Variants in LPGAT1 observed in about 807,000 individuals in gnomAD.
The protein encoded by LPGAT1 is acyl-CoA:lysophosphatidylglycerol acyltransferase 1.
Under a neutral mutation model 47.5 loss-of-function variants are expected in LPGAT1, and 11 were observed. The ratio of observed to expected loss-of-function variants is 0.23; its 90% confidence interval spans 0.15 to 0.38. The LOEUF (loss-of-function observed/expected upper bound fraction) is 0.38. Ranked by LOEUF, LPGAT1 falls within the 10% of genes least tolerant of loss-of-function variation. LPGAT1 has a pLI of 1.00. For synonymous variants in LPGAT1, 138 were observed against 144.2 expected (o/e 0.96, Z 0.31); for missense variants, 293 against 439.0 (o/e 0.67, Z 2.97).
chr1:211,808,338 G>A (rs1307386953), intron 2 of LPGAT1, among the ~76,000 whole-genome samples: 38 of 119,258 alleles, frequency 3.2e-4, no homozygotes, highest in African/African-American at 3.5e-4. Flanking sequence ...CAACAAGGGC[G>A]AAACTCCGTC....
intron 2 of LPGAT1, among the ~76,000 whole-genome samples, chr1:211,811,310 G>A (rs1044255738): frequency 6.6e-6 from 1 of 152,198 alleles, no homozygotes; most frequent in African/African-American, 2.4e-5. Flanking sequence ...GCTTGGGCCA[G>A]GTTATTAAAG....
intron 6 of LPGAT1, among the ~76,000 whole-genome samples, chr1:211,763,364 C>G (rs1359203764): frequency 6.6e-6 from 1 of 152,162 alleles, no homozygotes; most frequent in Admixed American, 6.5e-5. Flanking sequence ...CTAAAAGCCA[C>G]TTTGGCTCTC....
intron 2 of LPGAT1, among the ~76,000 whole-genome samples, chr1:211,802,592 G>A (rs1298334960): frequency 1.3e-5 from 2 of 151,994 alleles, no homozygotes; most frequent in Non-Finnish European, 2.9e-5. Context: ...GAGAGATAAA[G>A]TTGAGATAAT....
At position 211,830,067 on chromosome 1, in the gene LPGAT1, T is replaced by C. The variant is rs2102618532; in HGVS notation, c.-28+506A>G. On this transcript the variant is annotated intron_variant, in intron 1 of 7. Transcript: ENST00000366997. The surrounding 1 kb of genome is among the most constrained non-coding windows in gnomAD (Gnocchi z 5.9). ...GACCAGAGGGCAAGGAAGCAGGGGA[T>C]GATGAAAGGGGCAGAGAAGAGGCGA... is the stretch of plus-strand genomic sequence containing the variant. 1.0e-6 allele frequency: 1 copy of C among 984,548 alleles called. No homozygotes were observed. Among genetic ancestry groups the C allele is most frequent in the Non-Finnish European group, 1.2e-6 (1 of 830,042 alleles). The allele number at this position is 984,548 out of a possible 1,614,324, so 61.0% of individuals were successfully genotyped here.
chr1:211,778,105 G>A (rs916788608), intron 6 of LPGAT1, among the ~76,000 whole-genome samples: 1 of 152,220 alleles, frequency 6.6e-6, no homozygotes, highest in Non-Finnish European at 1.5e-5. Flanking sequence ...CACTTTGGGA[G>A]GCCGACGCAG....
intron 2 of LPGAT1, among the ~76,000 whole-genome samples, chr1:211,816,028 G>A (rs1203979444): frequency 6.6e-6 from 1 of 151,892 alleles, no homozygotes; most frequent in Non-Finnish European, 1.5e-5. Context: ...TGATCCACCC[G>A]ACTCGGCCTC....
At chr1:211,778,152 C>A (rs1333610858) in intron 6 of LPGAT1, among the ~76,000 whole-genome samples, 2 of 152,074 alleles carry the variant, frequency 1.3e-5, no homozygotes, top group African/African-American at 4.8e-5. Context: ...ACCATCCTGG[C>A]GAACACAGTG....
rs548802700 is a variant in LPGAT1 at position 211,774,973 on chromosome 1, A to T, written c.854+3945T>A. ...TTTCTACTTAAATAATTTTTTTTTA[A>T]AAAAAAGAACTTATTAACACAGTAT... On this transcript the variant is annotated intron_variant, in intron 6 of 7. Coordinates refer to ENST00000366997, the MANE Select transcript of LPGAT1 (RefSeq NM_014873.3). 6.0e-4 allele frequency among the ~76,000 whole-genome samples: 91 copies of T among 151,428 alleles called. 3 individuals carry two copies. Among genetic ancestry groups the T allele is most frequent in the Admixed American group, 1.2e-3 (18 of 15,204 alleles).
intron 6 of LPGAT1, among the ~76,000 whole-genome samples, chr1:211,761,626 T>G (rs926595041): frequency 2.0e-5 from 3 of 152,234 alleles, no homozygotes; most frequent in Non-Finnish European, 2.9e-5. Flanking sequence ...TGTCCAATTA[T>G]GTGAGCTAAT....
intron 2 of LPGAT1, among the ~76,000 whole-genome samples, chr1:211,799,569 T>A (rs1271801549): frequency 1.3e-5 from 2 of 152,190 alleles, no homozygotes; most frequent in East Asian, 3.9e-4. Flanking sequence ...GGAACTTGGA[T>A]AAATGCCCTT....
In LPGAT1 at chr1:211,749,123, GT is replaced by G. The variant is rs1482404583; in HGVS notation, c.*775del. 5 of 152,614 alleles carry G rather than the reference GT, an allele frequency of 3.3e-5. No individual in the cohort carries two copies. Among genetic ancestry groups the G allele is most frequent in the Non-Finnish European group, 7.3e-5 (5 of 68,044 alleles). The allele number at this position is 152,614 out of a possible 1,614,324, so 9.5% of individuals were successfully genotyped here. ...CTCACACACTGCTATGCTCCCATTT[GT>G]TTTCAGGCTATATTACTAATCCTTT... On this transcript the variant is annotated 3_prime_UTR_variant, in exon 8 of 8. Transcript: ENST00000366997.
intron 6 of LPGAT1, among the ~76,000 whole-genome samples, chr1:211,772,261 C>T (rs1004342903): frequency 6.6e-6 from 1 of 152,192 alleles, no homozygotes; most frequent in African/African-American, 2.4e-5. Flanking sequence ...AAATCTAGAC[C>T]TGAACTTTCT....
chr1:211,812,254 TAAAAAGTTTCTAAGGGAACCAG>T (rs1660016160), intron 2 of LPGAT1, among the ~76,000 whole-genome samples: 1 of 152,084 alleles, frequency 6.6e-6, no homozygotes, highest in South Asian at 2.1e-4. Flanking sequence ...TATCAAAGGA[TAAAAAGTTTCTAAGGGAACCAG>T]AGAAATTAAC....
intron 3 of LPGAT1, 113 bp from the exon 4 acceptor site, chr1:211,787,840 A>G: frequency 1.6e-6 from 1 of 608,110 alleles, no homozygotes; most frequent in Non-Finnish European, 2.9e-6. Context: ...ATTAACCAAA[A>G]TATCTTAAGT....
intron 6 of LPGAT1, among the ~76,000 whole-genome samples, chr1:211,755,450 T>C (rs945047935): frequency 1.3e-5 from 2 of 152,126 alleles, no homozygotes; most frequent in South Asian, 4.1e-4. Context: ...ATATTACTTA[T>C]GAATTACATT....
intron 3 of LPGAT1, among the ~76,000 whole-genome samples, chr1:211,792,687 C>A: frequency 6.9e-6 from 1 of 144,436 alleles, no homozygotes. Context: ...TTTCAAAGCA[C>A]AGTAAGATAT....
intron 6 of LPGAT1, among the ~76,000 whole-genome samples, chr1:211,774,426 T>G (rs1658308050): frequency 6.6e-6 from 1 of 152,098 alleles, no homozygotes; most frequent in Non-Finnish European, 1.5e-5. Context: ...TGAAAGACTC[T>G]TTTACCTGTA....
intron 6 of LPGAT1, among the ~76,000 whole-genome samples, chr1:211,753,596 TATA>T (rs1229681805): frequency 2.6e-5 from 4 of 152,342 alleles, no homozygotes; most frequent in Admixed American, 6.5e-5. Context: ...ATCTTATGTT[TATA>T]ATAAGTTTTT....
At chr1:211,796,514 C>T (rs940024130) in intron 2 of LPGAT1, among the ~76,000 whole-genome samples, 1 of 152,174 alleles carries the variant, frequency 6.6e-6, no homozygotes, top group Non-Finnish European at 1.5e-5. Context: ...GAGAGTCTTT[C>T]GAGAGAGCAT....
Sources: gnomAD v4.1 joint callset for allele counts (sites outside exome capture counted in the v4.1 genomes callset) on GRCh38, gnomAD v4.1.1 for gene constraint, Gnocchi (gnomAD v3.1) non-coding constraint, MANE v1.5 for transcripts, NCBI Gene and HGNC (gene_info 2026-07-23, HGNC 2026-07-21) for gene names.